The following CAPS2 variants were observed in gnomAD, a reference collection of about 807,000 sequenced individuals.
The protein encoded by CAPS2 is calcyphosin-2.
CAPS2 carries 98 observed loss-of-function variants against 86.5 expected under a neutral mutation model. The observed-to-expected ratio is 1.13, with a 90% CI of 0.96 to 1.34. The LOEUF is 1.34. Among genes scored for constraint, CAPS2 ranks in the 40% most tolerant of loss-of-function variants. The pLI, the probability that CAPS2 is intolerant of heterozygous loss-of-function variation, is 0.00. For missense variants in CAPS2, 729 were observed against 686.8 expected, an observed-to-expected ratio of 1.06 and a Z score of -0.69; for synonymous variants, 210 against 225.1, an observed-to-expected ratio of 0.93 and a Z score of 0.60.
chr12:75,309,873 T>C (rs541963331), intron 7 of CAPS2, among the ~76,000 whole-genome samples: 51 of 152,232 alleles, frequency 3.4e-4, no homozygotes, highest in Non-Finnish European at 6.6e-4. Flanking sequence ...GTGTTAAATA[T>C]ACATACACAG....
intron 9 of CAPS2, among the ~76,000 whole-genome samples, 197 bp from the exon 10 acceptor site, chr12:75,299,163 GA>G (rs540827214): frequency 2.8e-4 from 42 of 152,118 alleles, no homozygotes; most frequent in Admixed American, 1.7e-3. Flanking sequence ...TTTGAATGCA[GA>G]AAAAAATAAT....
At chr12:75,321,511 T>A in exon 5 of CAPS2, 1 of 1,547,978 alleles carries the variant, frequency 6.5e-7, no homozygotes, top group Non-Finnish European at 8.7e-7. Context: ...CAGTTTTACA[T>A]TGCTGATATT....
At chr12:75,317,319 A>T (rs1024209203) in intron 5 of CAPS2, among the ~76,000 whole-genome samples, 1 of 152,120 alleles carries the variant, frequency 6.6e-6, no homozygotes, top group Non-Finnish European at 1.5e-5. Context: ...ATTTATGAAG[A>T]TACTTTATCA....
chr12:75,381,464 C>T (rs2044970689), intron 1 of CAPS2, among the ~76,000 whole-genome samples: 1 of 151,720 alleles, frequency 6.6e-6, no homozygotes, highest in African/African-American at 2.4e-5. Context: ...TATATACACT[C>T]CATCATACCT....
chr12:75,305,662 C>A (rs1254529825), intron 7 of CAPS2: 1 of 645,870 alleles, frequency 1.5e-6, no homozygotes, highest in Admixed American at 1.8e-5. Flanking sequence ...CCCACCAGGC[C>A]CCTAGCACTG....
At chr12:75,331,587 G>T (rs1182540264), upstream of CAPS2, among the ~76,000 whole-genome samples, 2 of 149,780 alleles carry the variant, frequency 1.3e-5, no homozygotes, top group African/African-American at 2.5e-5. Flanking sequence ...TTTTTGAGAC[G>T]GAGTCTCGCT....
exon 17 of CAPS2, chr12:75,277,388 GT>G: frequency 6.1e-6 from 6 of 976,500 alleles, no homozygotes; most frequent in Non-Finnish European, 7.3e-6. Flanking sequence ...AGAACAATTT[GT>G]AGGGTTTAAG....
At chr12:75,334,746 ATTCAG>A (rs557149984), upstream of CAPS2, 123 of 1,613,966 alleles carry the variant, frequency 7.6e-5, no homozygotes, top group African/African-American at 1.3e-3. Flanking sequence ...TGAAGAATAA[ATTCAG>A]TTGTTTATGG....
At chr12:75,281,927 A>T (rs573116604) in intron 16 of CAPS2, among the ~76,000 whole-genome samples, 259 of 152,260 alleles carry the variant, frequency 1.7e-3, no homozygotes, top group Non-Finnish European at 2.1e-3. Context: ...AAGCAGATAC[A>T]GTAAAAATAA....
chr12:75,351,087 G>T (rs2042778042), intron 1 of CAPS2, among the ~76,000 whole-genome samples: 1 of 152,144 alleles, frequency 6.6e-6, no homozygotes, highest in Admixed American at 6.5e-5. Flanking sequence ...CCAAGTGGAA[G>T]AAAGGATATC....
At chr12:75,378,809 A>G (rs966943770) in intron 1 of CAPS2, among the ~76,000 whole-genome samples, 2 of 152,224 alleles carry the variant, frequency 1.3e-5, no homozygotes, top group African/African-American at 2.4e-5. Context: ...GTCACTGTAG[A>G]CCAGCCACAT....
intron 5 of CAPS2, among the ~76,000 whole-genome samples, chr12:75,319,724 A>G (rs934989641): frequency 6.6e-6 from 1 of 152,112 alleles, no homozygotes; most frequent in Non-Finnish European, 1.5e-5. Context: ...CTTGCCCTGG[A>G]TCCTAAATAT....
intron 1 of CAPS2, among the ~76,000 whole-genome samples, chr12:75,340,029 A>T (rs1296615205): frequency 6.6e-6 from 1 of 152,030 alleles, no homozygotes; most frequent in Non-Finnish European, 1.5e-5. Flanking sequence ...GAGTTACTTC[A>T]ATTAGAATAA....
At chr12:75,324,138 T>C (rs974516461) in intron 2 of CAPS2, among the ~76,000 whole-genome samples, 1 of 152,206 alleles carries the variant, frequency 6.6e-6, no homozygotes, top group Non-Finnish European at 1.5e-5. Context: ...TTGAAAACTA[T>C]TATTTGACTC....
chr12:75,356,809 A>G (rs1187378430), intron 1 of CAPS2, among the ~76,000 whole-genome samples: 35 of 152,190 alleles, frequency 2.3e-4, no homozygotes, highest in Admixed American at 2.3e-3. Flanking sequence ...AAACTTTAGG[A>G]TTCTTTTTTT....
chr12:75,297,794 G>C (rs920731359), intron 11 of CAPS2, among the ~76,000 whole-genome samples: 5 of 152,122 alleles, frequency 3.3e-5, no homozygotes, highest in South Asian at 2.1e-4. Context: ...CTTCCTTTTT[G>C]TTCTTAGAAC....
chr12:75,358,392 A>G (rs962258047), intron 1 of CAPS2, among the ~76,000 whole-genome samples: 10 of 151,820 alleles, frequency 6.6e-5, no homozygotes, highest in Admixed American at 5.9e-4. Flanking sequence ...TAAGAGGGGT[A>G]TATTCCAGGA....
chr12:75,384,613 G>A (rs2045185948), intron 1 of CAPS2, among the ~76,000 whole-genome samples: 1 of 152,068 alleles, frequency 6.6e-6, no homozygotes, highest in African/African-American at 2.4e-5. Context: ...ATGTCTTTCA[G>A]AAGATAAAAG....
At chr12:75,278,907 T>A in exon 17 of CAPS2, 2 of 1,582,168 alleles carry the variant, frequency 1.3e-6, no homozygotes, top group Middle Eastern at 1.7e-4. Flanking sequence ...CCCCATGGAG[T>A]ACGTAAGATG....
Sources: allele counts gnomAD v4.1 joint callset (sites outside exome capture counted in the v4.1 genomes callset), GRCh38; gene constraint gnomAD v4.1.1; transcripts MANE v1.5; gene names NCBI Gene and HGNC (gene_info 2026-07-23, HGNC 2026-07-21).